Variants in KAZN observed in about 807,000 individuals in gnomAD.
The protein encoded by KAZN is kazrin.
A neutral mutation model predicts 87.4 loss-of-function variants in KAZN; 40 were observed. The observed-to-expected ratio is 0.46, with a 90% CI of 0.36 to 0.60. The LOEUF (loss-of-function observed/expected upper bound fraction) is 0.60, where lower values mean the gene tolerates loss of function less well. Among genes scored for constraint, KAZN ranks in the 20% least tolerant of loss-of-function variants. The pLI, the probability that KAZN is intolerant of heterozygous loss-of-function variation, is 0.00. For synonymous variants in KAZN, 466 were observed against 458.3 expected, an observed-to-expected ratio of 1.02 and a Z score of -0.22; for missense variants, 898 against 1,073.9, an observed-to-expected ratio of 0.84 and a Z score of 2.29.
intron 2 of KAZN, among the ~76,000 whole-genome samples, chr1:15,022,274 C>A (rs1160566790): frequency 6.6e-6 from 1 of 152,196 alleles, no homozygotes; most frequent in Non-Finnish European, 1.5e-5. Flanking sequence ...CACGCCCGCA[C>A]CCCGCCCCAG....
intron 1 of KAZN, among the ~76,000 whole-genome samples, chr1:14,728,292 A>G (rs1305482417): frequency 5.6e-5 from 4 of 71,014 alleles, no homozygotes; most frequent in Non-Finnish European, 1.0e-4. Flanking sequence ...GTATATATAA[A>G]AAAAAAAAAA....
At chr1:14,989,714 T>C (rs965924847) in intron 2 of KAZN, among the ~76,000 whole-genome samples, 4 of 152,094 alleles carry the variant, frequency 2.6e-5, no homozygotes, top group Non-Finnish European at 2.9e-5. Flanking sequence ...ACTAAGATCA[T>C]ATGTGTGAAG....
intron 1 of KAZN, among the ~76,000 whole-genome samples, chr1:14,127,398 TG>T (rs58471336): frequency 0.24 from 17,977 of 75,152 alleles, 1,269 homozygotes; most frequent in African/African-American, 0.34. Context: ...CCTTTACTGT[TG>T]TTTTTTTTTT....
At chr1:14,056,384 G>T (rs77700436) in intron 1 of KAZN, among the ~76,000 whole-genome samples, 3,516 of 152,300 alleles carry the variant, frequency 0.023, 66 homozygotes, top group Middle Eastern at 0.044. Context: ...AGCAGAGCTT[G>T]GAGGGATGTG....
chr1:14,426,922 A>G (rs906488262), intron 2 of KAZN, among the ~76,000 whole-genome samples: 5 of 152,162 alleles, frequency 3.3e-5, no homozygotes, highest in South Asian at 2.1e-4. Flanking sequence ...GGATTCTTCT[A>G]TCACTCACCC....
chr1:14,467,191 G>A (rs1422734992), intron 2 of KAZN, among the ~76,000 whole-genome samples: 2 of 152,008 alleles, frequency 1.3e-5, no homozygotes, highest in Admixed American at 6.6e-5. Context: ...AGAGGAGGGA[G>A]GGTATTGTGC....
chr1:14,371,321 A>G (rs906361641), intron 2 of KAZN, among the ~76,000 whole-genome samples: 3 of 152,140 alleles, frequency 2.0e-5, no homozygotes, highest in Admixed American at 2.0e-4. Context: ...TGAGTTCTTC[A>G]CTGTGGTATT....
intron 2 of KAZN, among the ~76,000 whole-genome samples, chr1:14,496,786 G>A (rs1410335754): frequency 2.0e-5 from 3 of 151,734 alleles, no homozygotes; most frequent in African/African-American, 7.3e-5. Flanking sequence ...TGCAAAGCGT[G>A]ATATTCACAT....
chr1:13,893,978 G>T (rs1003793609), intron 1 of KAZN, among the ~76,000 whole-genome samples: 1 of 152,172 alleles, frequency 6.6e-6, no homozygotes, highest in Admixed American at 6.5e-5. Flanking sequence ...GAGACAACGC[G>T]CTGCTTTTGC....
chr1:14,871,097 T>A (rs1005610996), intron 1 of KAZN, among the ~76,000 whole-genome samples: 2 of 152,168 alleles, frequency 1.3e-5, no homozygotes, highest in African/African-American at 2.4e-5. Flanking sequence ...CCCAGGTGTG[T>A]CTTCAGTGAA....
chr1:14,863,569 G>A (rs1347953366), intron 1 of KAZN, among the ~76,000 whole-genome samples: 2 of 152,150 alleles, frequency 1.3e-5, no homozygotes, highest in Non-Finnish European at 2.9e-5. Flanking sequence ...AGATTTGGGG[G>A]ATCAGAGAGG....
chr1:14,417,422 C>G lies in KAZN; in HGVS notation c.250-181561C>G, dbSNP rs113224312. On this transcript the variant is annotated intron_variant, in intron 2 of 16. Coordinates refer to the KAZN transcript ENST00000636203. ...AGGAAAGATACTTAATTTGACTTCA[C>G]CTTCACAGAAAGGTGAACTAAGAAG... 5.6e-3 allele frequency among the ~76,000 whole-genome samples: 859 copies of G among 152,244 alleles called. 13 individuals are homozygous for G. The highest frequency in any genetic ancestry group is 0.019 in the African/African-American group (800 of 41,536).
intron 1 of KAZN, among the ~76,000 whole-genome samples, chr1:14,770,603 C>A (rs1306039232): frequency 6.6e-6 from 1 of 152,036 alleles, no homozygotes. Context: ...CCACGGCAGC[C>A]CTGGGAGGAA....
At chr1:13,904,403 C>T (rs1353387392) in intron 1 of KAZN, among the ~76,000 whole-genome samples, 1 of 152,114 alleles carries the variant, frequency 6.6e-6, no homozygotes, top group Non-Finnish European at 1.5e-5. Flanking sequence ...AGGGATCAGG[C>T]CAGTCACAGC....
intron 1 of KAZN, among the ~76,000 whole-genome samples, chr1:14,912,030 T>C (rs937266558): frequency 6.7e-6 from 1 of 150,250 alleles, no homozygotes; most frequent in Non-Finnish European, 1.5e-5. Context: ...CGGGCACCTG[T>C]AATCCCAGCT....
intron 1 of KAZN, among the ~76,000 whole-genome samples, chr1:14,904,441 G>A (rs1013118117): frequency 2.0e-5 from 3 of 152,186 alleles, no homozygotes; most frequent in Non-Finnish European, 4.4e-5. Context: ...AGTTCTAGCT[G>A]CAGGTACAGC....
chr1:14,402,505 A>G (rs958896609), intron 2 of KAZN, among the ~76,000 whole-genome samples: 17 of 152,166 alleles, frequency 1.1e-4, no homozygotes, highest in Non-Finnish European at 7.4e-5. Context: ...AATATATATT[A>G]TATTGTTTCA....
chr1:13,981,777 A>G (rs1638721264), intron 1 of KAZN, among the ~76,000 whole-genome samples: 1 of 152,190 alleles, frequency 6.6e-6, no homozygotes, highest in South Asian at 2.1e-4. Flanking sequence ...CTCGTTCAGC[A>G]GGGGGCCCCT....
At chr1:14,867,095 G>GT (rs34573940) in intron 1 of KAZN, among the ~76,000 whole-genome samples, 98,932 of 152,082 alleles carry the variant, frequency 0.65, 33,428 homozygotes, top group East Asian at 0.96. Flanking sequence ...GTTCGGGCTC[G>GT]TTTTTTCCAG....
Sources: allele counts gnomAD v4.1 joint callset (sites outside exome capture counted in the v4.1 genomes callset), GRCh38; gene constraint gnomAD v4.1.1; transcripts MANE v1.5; gene names NCBI Gene and HGNC (gene_info 2026-07-23, HGNC 2026-07-21).